The following NTM variants were observed in gnomAD, a reference collection of about 807,000 sequenced individuals.
NTM encodes the protein neurotrimin, also known as IgLON family member 2.
Under a neutral mutation model 42.1 loss-of-function variants are expected in NTM, and 13 were observed. That is an observed-to-expected ratio of 0.31 (90% CI 0.20 to 0.49). NTM has a LOEUF of 0.49. Among genes scored for constraint, NTM ranks in the 20% least tolerant of loss-of-function variants. The pLI is 0.99. For synonymous variants in NTM, 187 were observed against 179.2 expected (o/e 1.04, Z -0.35); for missense variants, 373 against 452.8 (o/e 0.82, Z 1.60).
chr11:132,274,664 T>C (rs1240138370), intron 4 of NTM, among the ~76,000 whole-genome samples: 1 of 152,194 alleles, frequency 6.6e-6, no homozygotes. Flanking sequence ...TCAAAATTTA[T>C]TGGAACTTGC....
chr11:131,388,936 T>C (rs952327733), intron 1 of NTM, among the ~76,000 whole-genome samples: 2 of 142,780 alleles, frequency 1.4e-5, no homozygotes, highest in Non-Finnish European at 3.0e-5. Context: ...TGCTGGAACA[T>C]GGCAGGCAGA....
At chr11:131,430,476 C>T (rs1288556298) in intron 1 of NTM, among the ~76,000 whole-genome samples, 1 of 152,090 alleles carries the variant, frequency 6.6e-6, no homozygotes, top group Non-Finnish European at 1.5e-5. Flanking sequence ...GTTCCAAGTC[C>T]ATTAATAGCA....
At chr11:132,258,172 G>C (rs1262316466) in intron 4 of NTM, among the ~76,000 whole-genome samples, 1 of 152,224 alleles carries the variant, frequency 6.6e-6, no homozygotes, top group Non-Finnish European at 1.5e-5. Flanking sequence ...TGAGCTGGGA[G>C]TTGGAAACGC....
chr11:131,654,543 G>T (rs2066928567), intron 1 of NTM, among the ~76,000 whole-genome samples: 2 of 152,112 alleles, frequency 1.3e-5, no homozygotes, highest in African/African-American at 2.4e-5. Context: ...TTGGGTGTTT[G>T]TCCCTTCCAA....
At chr11:132,293,290 T>C (rs2094510575) in intron 4 of NTM, among the ~76,000 whole-genome samples, 1 of 152,102 alleles carries the variant, frequency 6.6e-6, no homozygotes, top group South Asian at 2.1e-4. Flanking sequence ...GAAGTTTAAC[T>C]GGAAAACAAA....
At chr11:132,294,776 C>G (rs1225817104) in intron 4 of NTM, among the ~76,000 whole-genome samples, 1 of 152,160 alleles carries the variant, frequency 6.6e-6, no homozygotes, top group African/African-American at 2.4e-5. Context: ...AGAGTTTAAT[C>G]TCACTCCTTG....
intron 4 of NTM, among the ~76,000 whole-genome samples, chr11:132,218,646 GT>G (rs2084445460): frequency 6.6e-6 from 1 of 152,126 alleles, no homozygotes; most frequent in South Asian, 2.1e-4. Flanking sequence ...AATAGAAGGA[GT>G]TTTCGCTCTG....
At chr11:131,718,670 C>T (rs117903898) in intron 1 of NTM, among the ~76,000 whole-genome samples, 2 of 152,066 alleles carry the variant, frequency 1.3e-5, no homozygotes, top group South Asian at 2.1e-4. Context: ...CTCAAGGGAA[C>T]CCTCTGCAGA....
At chr11:132,151,170 T>G (rs2071813728) in intron 3 of NTM, among the ~76,000 whole-genome samples, 1 of 152,202 alleles carries the variant, frequency 6.6e-6, no homozygotes, top group Non-Finnish European at 1.5e-5. Flanking sequence ...CCGAGCATAT[T>G]GTACATCTGA....
chr11:132,244,606 G>C (rs2090767076), intron 4 of NTM, among the ~76,000 whole-genome samples: 1 of 152,180 alleles, frequency 6.6e-6, no homozygotes, highest in Admixed American at 6.5e-5. Context: ...TTCTGGATCA[G>C]GTGAGAACCT....
intron 1 of NTM, among the ~76,000 whole-genome samples, chr11:131,835,764 A>C (rs1450878585): frequency 6.6e-6 from 1 of 152,196 alleles, no homozygotes; most frequent in Non-Finnish European, 1.5e-5. Context: ...GACATTTTAC[A>C]AAAGTGTTGA....
At chr11:131,710,934 C>A (rs1049623143) in intron 1 of NTM, among the ~76,000 whole-genome samples, 1 of 152,284 alleles carries the variant, frequency 6.6e-6, no homozygotes, top group East Asian at 1.9e-4. Flanking sequence ...CCTGTCCCCA[C>A]CAAGGAGTAT....
chr11:131,787,574 C>T (rs2089477685), intron 1 of NTM, among the ~76,000 whole-genome samples: 1 of 151,808 alleles, frequency 6.6e-6, no homozygotes, highest in East Asian at 1.9e-4. Flanking sequence ...TTAGTACAGA[C>T]GGGGTTTCAC....
intron 2 of NTM, among the ~76,000 whole-genome samples, chr11:132,042,454 C>G (rs1479233025): frequency 2.6e-5 from 4 of 152,124 alleles, no homozygotes; most frequent in African/African-American, 9.7e-5. Flanking sequence ...TGATGTGAGC[C>G]CAACCTTTTC....
At position 132,222,816 on chromosome 11, in the gene NTM, A is replaced by G. The variant is rs548283808; in HGVS notation, c.526+10669A>G. Among the ~76,000 whole-genome samples the G allele has an allele frequency of 2.0e-5, 3 of 152,274 alleles. No individual in the cohort carries two copies. The South Asian group carries it at 6.2e-4, about 32-fold the overall frequency. On this transcript the variant is annotated intron_variant, in intron 4 of 8. Coordinates refer to ENST00000683400, the MANE Select transcript of NTM (RefSeq NM_001352005.2). Reference sequence around the variant, plus strand: ...CTTTTCCTCCTCCTAATCCAGAGTTAAACAAAATGACTTTGGACTTTACAG... The same window carrying G: ...CTTTTCCTCCTCCTAATCCAGAGTTGAACAAAATGACTTTGGACTTTACAG...
intron 1 of NTM, among the ~76,000 whole-genome samples, chr11:131,676,287 CT>C (rs2071368568): frequency 6.6e-6 from 1 of 152,160 alleles, no homozygotes; most frequent in Admixed American, 6.6e-5. Flanking sequence ...GAGATGTTTT[CT>C]GTATAATTAC....
intron 1 of NTM, among the ~76,000 whole-genome samples, chr11:131,578,681 TACTTA>T (rs1460953525): frequency 1.3e-5 from 2 of 152,222 alleles, no homozygotes; most frequent in South Asian, 2.1e-4. Context: ...TTATGCAAGT[TACTTA>T]ACTTCTCTGT....
chr11:131,719,155 C>T (rs985677133), intron 1 of NTM, among the ~76,000 whole-genome samples: 4 of 152,130 alleles, frequency 2.6e-5, no homozygotes, highest in Non-Finnish European at 5.9e-5. Context: ...AGCTATCTGC[C>T]CGTCCCACCC....
intron 3 of NTM, among the ~76,000 whole-genome samples, chr11:132,161,776 C>A (rs1038598452): frequency 4.6e-5 from 7 of 152,156 alleles, no homozygotes; most frequent in African/African-American, 9.7e-5. Context: ...ATCCCCGGAC[C>A]CTTCCTGCTG....
Sources: allele counts gnomAD v4.1 joint callset (sites outside exome capture counted in the v4.1 genomes callset), GRCh38; gene constraint gnomAD v4.1.1; transcripts MANE v1.5; gene names NCBI Gene and HGNC (gene_info 2026-07-23, HGNC 2026-07-21).